Variants in CASTOR2 observed in about 807,000 individuals in gnomAD.
The protein encoded by CASTOR2 is GATS protein like 2.
Under a neutral mutation model 31.2 loss-of-function variants are expected in CASTOR2, and 8 were observed. The ratio of observed to expected loss-of-function variants is 0.26; its 90% confidence interval spans 0.15 to 0.46. CASTOR2 has a LOEUF of 0.46. CASTOR2 is among the 20% of genes least tolerant of loss of function. The pLI, the probability that CASTOR2 is intolerant of heterozygous loss-of-function variation, is 0.99. For missense variants in CASTOR2, 216 were observed against 382.1 expected (o/e 0.57, Z 3.62); for synonymous variants, 162 against 158.7 (o/e 1.02, Z -0.16).
At chr7:75,019,352 G>A (rs1481601081) in intron 5 of CASTOR2, among the ~76,000 whole-genome samples, 4 of 151,918 alleles carry the variant, frequency 2.6e-5, no homozygotes, top group Non-Finnish European at 4.4e-5. Flanking sequence ...TCTGATGGGG[G>A]ACACATGGAC....
At chr7:75,014,964 A>G (rs1804834216) in intron 2 of CASTOR2, among the ~76,000 whole-genome samples, 1 of 152,224 alleles carries the variant, frequency 6.6e-6, no homozygotes. Flanking sequence ...TGCGGCTTTG[A>G]TAAGAGACAG....
At chr7:75,019,216 G>C (rs1804935078) in intron 5 of CASTOR2, 121 bp downstream of exon 5, 2 of 1,492,564 alleles carry the variant, frequency 1.3e-6, no homozygotes, top group Admixed American at 2.0e-5. Context: ...AAGAGACACA[G>C]ACCTTCCCTG....
intron 2 of CASTOR2, among the ~76,000 whole-genome samples, chr7:75,009,108 C>T (rs1332569090): frequency 1.1e-4 from 16 of 151,846 alleles, no homozygotes; most frequent in South Asian, 2.1e-4. Context: ...AGGTGCCCGC[C>T]GCCACGCCCG....
intron 2 of CASTOR2, among the ~76,000 whole-genome samples, chr7:75,011,748 C>CAAAA (rs1295227887): frequency 2.7e-5 from 3 of 109,806 alleles, no homozygotes; most frequent in African/African-American, 1.0e-4. Context: ...AAAAAAAAAC[C>CAAAA]AAAAAAAAAA....
At chr7:75,009,805 T>C (rs1173008954) in intron 2 of CASTOR2, among the ~76,000 whole-genome samples, 3 of 151,526 alleles carry the variant, frequency 2.0e-5, no homozygotes, top group African/African-American at 7.3e-5. Flanking sequence ...GATTCCTCCA[T>C]GTGGCTGCAC....
At chr7:75,022,703 A>G (rs1412395360) in intron 7 of CASTOR2, among the ~76,000 whole-genome samples, 1 of 151,914 alleles carries the variant, frequency 6.6e-6, no homozygotes, top group African/African-American at 2.4e-5. Flanking sequence ...GGAGGCTGAG[A>G]TGGGAGAATC....
In CASTOR2 at chr7:75,027,890, C is replaced by T; in HGVS notation, c.*3191C>T. On this transcript the variant is annotated 3_prime_UTR_variant, in exon 9 of 9. Transcript: ENST00000616305. ...AGGCAGGGGCCGTCTGCCCTTGTCC[C>T]CCAGCTATCTCCTGGTCTGCTGGGT... 1 of 955,924 alleles carries T rather than the reference C, an allele frequency of 1.0e-6. No homozygotes were observed. Among genetic ancestry groups the T allele is most frequent in the African/African-American group, 1.6e-5 (1 of 61,680 alleles). The allele number at this position is 955,924 out of a possible 1,614,324, so 59.2% of individuals were successfully genotyped here.
intron 2 of CASTOR2, among the ~76,000 whole-genome samples, chr7:75,010,364 G>T (rs1804710408): frequency 2.0e-5 from 3 of 152,126 alleles, no homozygotes; most frequent in South Asian, 4.1e-4. Flanking sequence ...TTATTCTTCA[G>T]GCACTGGGGA....
rs983981625 is a variant in CASTOR2, at chr7:75,028,758, C to T, written c.*4059C>T. ...CTTCCTCCATGGGCATCTCCAGGAC[C>T]GCCCTCCTTCAAGGGGCACTGCCCA... On this transcript the variant is annotated 3_prime_UTR_variant, in exon 9 of 9. Transcript: ENST00000616305. 8.6e-4 allele frequency among the ~76,000 whole-genome samples: 131 copies of T among 152,278 alleles called. 1 individual carries two copies. The highest frequency in any genetic ancestry group is 2.9e-3 in the African/African-American group (121 of 41,560).
intron 6 of CASTOR2, among the ~76,000 whole-genome samples, chr7:75,021,054 C>T (rs1360540573): frequency 7.2e-5 from 11 of 151,994 alleles, no homozygotes; most frequent in African/African-American, 1.5e-4. Context: ...TGCAGTGGCG[C>T]GATCTCAGCT....
chr7:74,986,661 G>A (rs1804074096), intron 1 of CASTOR2, among the ~76,000 whole-genome samples: 1 of 152,126 alleles, frequency 6.6e-6, no homozygotes, highest in African/African-American at 2.4e-5. Flanking sequence ...TGTGGGTCTG[G>A]GAGAAGGTGG....
chr7:75,018,963 C>T lies in CASTOR2; in HGVS notation c.512-9C>T. ...AGCCTCAGTGCCTGACATCTTTGTG[C>T]TCTTACAGTCCAGAGGCCAGTCATC... On this transcript the variant is annotated splice_polypyrimidine_tract_variant and intron_variant, in intron 4 of 8. Transcript: ENST00000616305. 6.4e-7 allele frequency: 1 copy of T among 1,551,912 alleles called. No individual in the cohort carries two copies. The highest frequency in any genetic ancestry group is 2.4e-5 in the East Asian group (1 of 40,924).
At chr7:75,021,772 C>A in intron 6 of CASTOR2, 102 bp from the exon 7 acceptor site, 1 of 1,439,208 alleles carries the variant, frequency 6.9e-7, no homozygotes, top group African/African-American at 1.4e-5. Context: ...CCCAACCCTG[C>A]CTGGCCAGCC....
At chr7:75,009,415 C>G (rs1351326947) in intron 2 of CASTOR2, among the ~76,000 whole-genome samples, 10 of 151,170 alleles carry the variant, frequency 6.6e-5, no homozygotes, top group Admixed American at 2.7e-4. Context: ...CTACAGGCGC[C>G]CGCCACCACG....
rs2131965804 is a variant in CASTOR2 at position 75,030,955 on chromosome 7, C to T, written c.*6256C>T. On this transcript the variant is annotated 3_prime_UTR_variant, in exon 9 of 9. Coordinates refer to ENST00000616305, the MANE Select transcript of CASTOR2 (RefSeq NM_001145064.3). ...AGAATTGGAGACCCCTGCCCCTCAC[C>T]CAAACTTTGGAGGTGGCAGGGTGAA... Among the ~76,000 whole-genome samples, 1 of 152,276 alleles carries T rather than the reference C, an allele frequency of 6.6e-6. No homozygotes were observed. Among genetic ancestry groups the T allele is most frequent in the South Asian group, 2.1e-4 (1 of 4,818 alleles).
chr7:74,975,819 C>T lies in CASTOR2; in HGVS notation c.113+10721C>T, dbSNP rs1289856356. Among the ~76,000 whole-genome samples the T allele has an allele frequency of 5.0e-5, 6 of 121,030 alleles. No homozygotes were observed. In the South Asian group the frequency reaches 9.0e-4, roughly 18 times the overall value. The allele number at this position is 121,030 out of a possible 152,430, so 79.4% of individuals were successfully genotyped here. A position where few individuals can be genotyped will look rare whatever the true frequency, so the allele number is the denominator to read the frequency against. ...CCATGAGACTTCCGAGGCTAGGGCA[C>T]GAAAGGATGGCTTCTGCGTGGTGCT... On this transcript the variant is annotated intron_variant, in intron 1 of 8. Transcript: ENST00000616305.
At chr7:75,007,887 C>G in intron 1 of CASTOR2, 107 bp from the exon 2 acceptor site, 1 of 1,543,752 alleles carries the variant, frequency 6.5e-7, no homozygotes. Context: ...AGCCTGGGGC[C>G]GGAACTCTGG....
chr7:74,998,826 T>C (rs1348403333), intron 1 of CASTOR2, among the ~76,000 whole-genome samples: 12 of 151,940 alleles, frequency 7.9e-5, no homozygotes, highest in African/African-American at 1.7e-4. Context: ...GAGGGGAGCC[T>C]GGGTTCCTGG....
rs34863951 is a variant in CASTOR2 at position 75,029,639 on chromosome 7, T to A, written c.*4940T>A. On this transcript the variant is annotated 3_prime_UTR_variant, in exon 9 of 9. Transcript: ENST00000616305. The stretch of plus-strand genomic sequence containing the variant: ...GATTACAGGCATGAGATACCCCGCC[T>A]GGCCAATGGGATTTTTGACGCCACT... 1.3e-5 allele frequency among the ~76,000 whole-genome samples: 2 copies of A among 151,804 alleles called. No homozygotes were observed. The highest frequency in any genetic ancestry group is 2.9e-5 in the Non-Finnish European group (2 of 67,974).
Sources: gnomAD v4.1 joint callset for allele counts (sites outside exome capture counted in the v4.1 genomes callset) on GRCh38, gnomAD v4.1.1 for gene constraint, MANE v1.5 for transcripts, NCBI Gene and HGNC (gene_info 2026-07-23, HGNC 2026-07-21) for gene names.